Variants in MED30 observed in about 807,000 individuals in gnomAD.
MED30 encodes mediator complex subunit 30.
In MED30, 8 loss-of-function variants were observed where a neutral mutation model predicts 21.7. The observed-to-expected ratio is 0.37, with a 90% CI of 0.22 to 0.67. The LOEUF (loss-of-function observed/expected upper bound fraction) is 0.67, where lower values mean the gene tolerates loss of function less well. Ranked by LOEUF, MED30 falls within the 30% of genes least tolerant of loss-of-function variation. The pLI, the probability that MED30 is intolerant of heterozygous loss-of-function variation, is 0.58. For missense variants in MED30, 203 were observed against 228.2 expected (o/e 0.89, Z 0.71); for synonymous variants, 79 against 86.7 (o/e 0.91, Z 0.49).
chr8:117,527,636 C>CTT (rs3040826), intron 1 of MED30, among the ~76,000 whole-genome samples: 74 of 127,602 alleles, frequency 5.8e-4, no homozygotes, highest in African/African-American at 2.0e-3. Context: ...TTTTTTCTTT[C>CTT]TTTTTTTTTT....
rs148527171 is a variant in MED30 at position 117,538,547 on chromosome 8, A to G, written c.442-1336A>G. Among the ~76,000 whole-genome samples the G allele has an allele frequency of 5.9e-5, 9 of 152,274 alleles. No individual in the cohort carries two copies. The East Asian group carries it at 1.5e-3, about 26-fold the overall frequency. On this transcript the variant is annotated intron_variant, in intron 3 of 3. Transcript: ENST00000297347. ...GCCTCTTTTTAATAAGCATACACCAATTTATCTGGAGGTAGTTTAATATAG... is the reference window on the plus strand; with the variant it reads ...GCCTCTTTTTAATAAGCATACACCAGTTTATCTGGAGGTAGTTTAATATAG...
At chr8:117,524,771 T>C (rs1350338781) in intron 1 of MED30, among the ~76,000 whole-genome samples, 1 of 147,684 alleles carries the variant, frequency 6.8e-6, no homozygotes, top group Admixed American at 6.8e-5. Context: ...TTTCCAGATA[T>C]TCTCTGCATA....
In MED30 at chr8:117,539,923, A is replaced by C; in HGVS notation, c.482A>C (p.Asp161Ala). 6.2e-7 allele frequency: 1 copy of C among 1,609,388 alleles called. No individual in the cohort carries two copies. The highest frequency in any genetic ancestry group is 2.2e-5 in the East Asian group (1 of 44,646). The change falls in exon 4 of 4, where the codon GAT becomes GCT. Residue 161 changes from aspartate to alanine, a missense_variant. Physicochemically the swap from Asp to Ala is moderately radical, Grantham distance 126. Transcript: ENST00000297347. ...QKNQQLKQIM[D>A]QLRNLIWDIN... ...AATCAACAGCTGAAACAAATTATGG[A>C]TCAATTACGAAATCTCATCTGGGAT...
At position 117,520,966 on chromosome 8, in the gene MED30, G is replaced by C. The variant is rs753076355; in HGVS notation, c.90G>C (p.Thr30=). The part of the protein sequence containing the change: ...QAQQAAREVN[T]ASLCRIGQET... ...AGCAGGCCGCCCGGGAAGTCAACAC[G>C]GCGTCGCTGTGCCGCATCGGGCAGG... The change falls in exon 1 of 4, where the codon ACG becomes ACC. Residue 30 remains threonine (T), a synonymous_variant. Transcript: ENST00000297347. 6.2e-7 allele frequency: 1 copy of C among 1,612,906 alleles called. No individual in the cohort carries two copies. Among genetic ancestry groups the C allele is most frequent in the Non-Finnish European group, 8.5e-7 (1 of 1,179,512 alleles).
intron 3 of MED30, among the ~76,000 whole-genome samples, chr8:117,531,694 T>G (rs1473581846): frequency 6.7e-6 from 1 of 149,908 alleles, no homozygotes; most frequent in East Asian, 1.9e-4. Flanking sequence ...AGACAGTGTG[T>G]TTTTTTTTTA....
At position 117,523,818 on chromosome 8, in the gene MED30, C is replaced by G. The variant is rs574626098; in HGVS notation, c.177+2765C>G. Reference sequence around the variant, plus strand: ...GGTCAGGAATTCGAGACCAGCCTAGCCAACATGGTGAAACCCCATCTCTAC... The same window carrying G: ...GGTCAGGAATTCGAGACCAGCCTAGGCAACATGGTGAAACCCCATCTCTAC... On this transcript the variant is annotated intron_variant, in intron 1 of 3. Coordinates refer to ENST00000297347, the MANE Select transcript of MED30 (RefSeq NM_080651.4). 18 of 577,456 alleles carry G rather than the reference C, an allele frequency of 3.1e-5. 1 individual carries two copies. The South Asian group carries it at 3.9e-4, about 13-fold the overall frequency. The allele number at this position is 577,456 out of a possible 1,614,324, so 35.8% of individuals were successfully genotyped here.
At chr8:117,530,686 A>C in intron 2 of MED30, 37 bp from the exon 3 acceptor site, 2 of 1,471,832 alleles carry the variant, frequency 1.4e-6, no homozygotes, top group East Asian at 2.3e-5. Flanking sequence ...AACTTGAATT[A>C]TATTTTTGCC....
chr8:117,525,928 C>A (rs185535743), intron 1 of MED30, among the ~76,000 whole-genome samples: 1 of 151,966 alleles, frequency 6.6e-6, no homozygotes, highest in Non-Finnish European at 1.5e-5. Context: ...TAAGAAAAAG[C>A]CTGTTAGCAT....
intron 3 of MED30, among the ~76,000 whole-genome samples, chr8:117,531,672 A>C (rs1449119867): frequency 2.6e-5 from 4 of 152,074 alleles, no homozygotes; most frequent in African/African-American, 9.6e-5. Context: ...AGGACACTTA[A>C]AACTATTAGC....
intron 3 of MED30, among the ~76,000 whole-genome samples, chr8:117,536,206 A>G (rs1818875909): frequency 6.6e-6 from 1 of 151,974 alleles, no homozygotes; most frequent in African/African-American, 2.4e-5. Flanking sequence ...AGAACATAAG[A>G]CTCCAGTGGA....
chr8:117,526,763 T>C (rs113101741), intron 1 of MED30, among the ~76,000 whole-genome samples: 6 of 152,180 alleles, frequency 3.9e-5, no homozygotes, highest in African/African-American at 1.2e-4. Flanking sequence ...TTTTTTCTTT[T>C]TAATGATTTA....
intron 3 of MED30, among the ~76,000 whole-genome samples, chr8:117,538,975 T>C (rs1818931711): frequency 6.6e-6 from 1 of 152,202 alleles, no homozygotes; most frequent in Admixed American, 6.5e-5. Flanking sequence ...GCATTGTACT[T>C]TTATTATATT....
chr8:117,523,649 T>C (rs1465698517), intron 1 of MED30: 18 of 1,597,102 alleles, frequency 1.1e-5, no homozygotes, highest in African/African-American at 1.3e-5. Flanking sequence ...GACACATTCT[T>C]GTCTGCCAGC....
intron 3 of MED30, among the ~76,000 whole-genome samples, chr8:117,536,405 A>G (rs1352479527): frequency 6.6e-6 from 1 of 152,222 alleles, no homozygotes; most frequent in Non-Finnish European, 1.5e-5. Context: ...TTTTATTACA[A>G]TGAATATTTT....
chr8:117,539,817 T>C, intron 3 of MED30, 66 bp from the exon 4 acceptor site: 2 of 941,432 alleles, frequency 2.1e-6, no homozygotes, highest in Non-Finnish European at 3.3e-6. Context: ...TTATGATATT[T>C]TAATCTTCTA....
chr8:117,537,144 A>G (rs947636082), intron 3 of MED30, among the ~76,000 whole-genome samples: 4 of 152,240 alleles, frequency 2.6e-5, no homozygotes, highest in Non-Finnish European at 4.4e-5. Context: ...CATTGAGTCC[A>G]TGCATTTAGA....
chr8:117,529,317 A>C (rs1818764032), intron 2 of MED30, among the ~76,000 whole-genome samples: 1 of 151,874 alleles, frequency 6.6e-6, no homozygotes, highest in African/African-American at 2.4e-5. Context: ...TCTATAAGTC[A>C]CCCTTTCCTG....
chr8:117,537,791 T>G (rs1420741653), intron 3 of MED30, among the ~76,000 whole-genome samples: 1 of 152,162 alleles, frequency 6.6e-6, no homozygotes, highest in Non-Finnish European at 1.5e-5. Flanking sequence ...AAAGTCTGTT[T>G]TTAACCACCC....
intron 3 of MED30, among the ~76,000 whole-genome samples, chr8:117,535,423 G>C (rs1818859544): frequency 6.6e-6 from 1 of 151,538 alleles, no homozygotes; most frequent in Admixed American, 6.6e-5. Context: ...TAGAGATGGG[G>C]TTTCACCATG....
Sources: gnomAD v4.1 joint callset for allele counts (sites outside exome capture counted in the v4.1 genomes callset) on GRCh38, gnomAD v4.1.1 for gene constraint, MANE v1.5 for transcripts, NCBI Gene and HGNC (gene_info 2026-07-23, HGNC 2026-07-21) for gene names.